The following PRPF18 variants were observed in gnomAD, a reference collection of about 807,000 sequenced individuals.
PRPF18 encodes pre-mRNA-splicing factor 18.
Under a neutral mutation model 46.5 loss-of-function variants are expected in PRPF18, and 38 were observed. The ratio of observed to expected loss-of-function variants is 0.82; its 90% confidence interval spans 0.63 to 1.07. The LOEUF (loss-of-function observed/expected upper bound fraction) is 1.07, where lower values mean the gene tolerates loss of function less well. PRPF18 is among the 50% of genes least tolerant of loss of function. The probability of loss-of-function intolerance (pLI) is 0.00; values close to 1 mark genes in which losing one functional copy is unlikely to be tolerated. For missense variants in PRPF18, 263 were observed against 410.0 expected (o/e 0.64, Z 3.10); for synonymous variants, 152 against 146.7 (o/e 1.04, Z -0.26).
chr10:13,618,615 CAAAA>C (rs68069523), intron 9 of PRPF18, among the ~76,000 whole-genome samples: 2 of 39,988 alleles, frequency 5.0e-5, no homozygotes, highest in East Asian at 1.3e-3. Flanking sequence ...AAGACCCTGT[CAAAA>C]AAAAAAAAAA....
chr10:13,621,489 G>A lies in PRPF18; in HGVS notation c.948+4936G>A, dbSNP rs565874075. ...CAGCTACCCTCCCTAGGTTCCAGTG[G>A]CCACTCTCCTCCTTTGCCTTCAGAA... On this transcript the variant is annotated intron_variant, in intron 9 of 9. Coordinates refer to ENST00000378572, the MANE Select transcript of PRPF18 (RefSeq NM_003675.4). 3.3e-5 allele frequency among the ~76,000 whole-genome samples: 5 copies of A among 152,272 alleles called. No individual in the cohort carries two copies. In the South Asian group the frequency reaches 8.3e-4, roughly 25 times the overall value.
At chr10:13,606,560 C>T (rs1242592081) in intron 4 of PRPF18, among the ~76,000 whole-genome samples, 1 of 151,944 alleles carries the variant, frequency 6.6e-6, no homozygotes, top group Non-Finnish European at 1.5e-5. Flanking sequence ...CATGGTGAAA[C>T]CCCGTCTCTA....
downstream of PRPF18, among the ~76,000 whole-genome samples, chr10:13,633,896 A>G (rs1238806721): frequency 6.6e-6 from 1 of 152,222 alleles, no homozygotes; most frequent in East Asian, 1.9e-4. Flanking sequence ...GCCAGTCCCC[A>G]GAGGGTTGCT....
the PRPF18 span, chr10:13,655,274 T>C: frequency 6.6e-6 from 1 of 152,216 alleles, no homozygotes; most frequent in Non-Finnish European, 1.5e-5. Flanking sequence ...ACCTCATCTC[T>C]TTACATAAAG....
At chr10:13,628,960 A>G (rs1270054106) in intron 9 of PRPF18, among the ~76,000 whole-genome samples, 6 of 152,180 alleles carry the variant, frequency 3.9e-5, no homozygotes, top group Admixed American at 2.0e-4. Context: ...AATGACTTAG[A>G]GGACATGTTT....
At chr10:13,598,243 A>G (rs2080061947) in intron 2 of PRPF18, among the ~76,000 whole-genome samples, 1 of 152,172 alleles carries the variant, frequency 6.6e-6, no homozygotes. Flanking sequence ...TAAAGGGTAT[A>G]AGGTGGAGAA....
chr10:13,618,352 G>A (rs1219346198), intron 9 of PRPF18, among the ~76,000 whole-genome samples: 1 of 152,104 alleles, frequency 6.6e-6, no homozygotes, highest in Non-Finnish European at 1.5e-5. Flanking sequence ...TAGAGGCTGA[G>A]CATGGTGGCT....
Position 13,587,107 on chromosome 10 carries a change from G to T in PRPF18, c.21G>T (p.Glu7Asp). ...GCGAGATGGACATTCTGAAATCAGA[G>T]ATCCTTCGGAAGCGGCAGCTGGTGG... The part of the protein sequence containing the change: MDILKS[E>D]ILRKRQLVED... The change falls in exon 1 of 10, where the codon GAG (glutamate) becomes GAT (aspartate). Residue 7 changes from glutamate (E) to aspartate (D), a missense_variant. By Grantham distance (45) the Glu-to-Asp change is conservative. Transcript: ENST00000378572. The T allele has an allele frequency of 6.2e-7, 1 of 1,614,222 alleles. No individual in the cohort carries two copies. The highest frequency in any genetic ancestry group is 8.5e-7 in the Non-Finnish European group (1 of 1,180,014).
At chr10:13,647,647 C>G in the PRPF18 span, 14 of 150,996 alleles carry the variant, frequency 9.3e-5, no homozygotes, top group East Asian at 2.7e-3. Flanking sequence ...GATGACTTTG[C>G]TTTATTCTAA....
At chr10:13,591,126 G>A (rs1391640912) in intron 1 of PRPF18, among the ~76,000 whole-genome samples, 2 of 152,212 alleles carry the variant, frequency 1.3e-5, no homozygotes, top group East Asian at 3.8e-4. Context: ...CAACTTGAGG[G>A]TGAGTGCTCT....
At chr10:13,610,369 C>T (rs2080253331) in intron 5 of PRPF18, among the ~76,000 whole-genome samples, 184 bp downstream of exon 5, 1 of 152,192 alleles carries the variant, frequency 6.6e-6, no homozygotes, top group Non-Finnish European at 1.5e-5. Context: ...TCCCCTACTT[C>T]CTGCCTTCAA....
At chr10:13,597,774 A>AG in intron 2 of PRPF18, 2 of 914,462 alleles carry the variant, frequency 2.2e-6, no homozygotes, top group Non-Finnish European at 3.2e-6. Context: ...GACGGCATGA[A>AG]GTGGCTTGAG....
downstream of PRPF18, chr10:13,631,971 G>A (rs1462681955): frequency 6.6e-6 from 1 of 152,440 alleles, no homozygotes. Flanking sequence ...GGTGGTGGCT[G>A]AGGTCCGCTG....
chr10:13,602,498 CTT>C (rs1184618483), intron 3 of PRPF18, among the ~76,000 whole-genome samples: 24 of 148,594 alleles, frequency 1.6e-4, no homozygotes, highest in Admixed American at 1.6e-3. Flanking sequence ...TGACATCAGT[CTT>C]TTTCATTATG....
intron 5 of PRPF18, among the ~76,000 whole-genome samples, chr10:13,610,644 T>C (rs926148499): frequency 4.6e-5 from 7 of 152,214 alleles, no homozygotes; most frequent in African/African-American, 1.7e-4. Flanking sequence ...TTTGACTTTT[T>C]GTTCTCCGGT....
rs187142392 is a variant in PRPF18 at position 13,612,707 on chromosome 10, G to A, written c.579+1024G>A. On this transcript the variant is annotated intron_variant, in intron 6 of 9. Coordinates refer to ENST00000378572, the MANE Select transcript of PRPF18 (RefSeq NM_003675.4). ...GAGTGCAGTGGTGTCATCCTAGCTCGCTGTAACCTTGAAATCCTGGGCTCA... is the reference window on the plus strand; with the variant it reads ...GAGTGCAGTGGTGTCATCCTAGCTCACTGTAACCTTGAAATCCTGGGCTCA... Among the ~76,000 whole-genome samples, 18 of 141,558 alleles carry A rather than the reference G, an allele frequency of 1.3e-4. No homozygotes were observed. The East Asian group carries it at 3.0e-3, about 24-fold the overall frequency. The allele number at this position is 141,558 out of a possible 152,430, so 92.9% of individuals were successfully genotyped here.
chr10:13,605,209 A>G (rs1216500738), intron 3 of PRPF18, among the ~76,000 whole-genome samples: 1 of 152,222 alleles, frequency 6.6e-6, no homozygotes, highest in Non-Finnish European at 1.5e-5. Context: ...TATTTGGATA[A>G]TTAGCTTTTA....
chr10:13,632,126 G>T (rs2080595399), downstream of PRPF18, among the ~76,000 whole-genome samples: 3 of 152,196 alleles, frequency 2.0e-5, no homozygotes, highest in African/African-American at 7.2e-5. Flanking sequence ...CAGATCACGA[G>T]GTCAGGAGGT....
At chr10:13,653,876 T>A in the PRPF18 span, 1 of 161,504 alleles carries the variant, frequency 6.2e-6, no homozygotes, top group Non-Finnish European at 1.3e-5. Context: ...TCGGTTTCAT[T>A]AATTTTGTTG....
Sources: gnomAD v4.1 joint callset for allele counts (sites outside exome capture counted in the v4.1 genomes callset) on GRCh38, gnomAD v4.1.1 for gene constraint, MANE v1.5 for transcripts, NCBI Gene and HGNC (gene_info 2026-07-23, HGNC 2026-07-21) for gene names.